UGGT1: variants seen among roughly 807,000 people sequenced by gnomAD.
The protein encoded by UGGT1 is UDP-glucose:glycoprotein glucosyltransferase 1.
A neutral mutation model predicts 203.9 loss-of-function variants in UGGT1; 107 were observed. The observed-to-expected ratio is 0.52, with a 90% CI of 0.45 to 0.62. The LOEUF is 0.62. Among genes scored for constraint, UGGT1 ranks in the 20% least tolerant of loss-of-function variants. UGGT1 has a pLI of 0.00. For missense variants in UGGT1, 1,673 were observed against 1,867.2 expected (o/e 0.90, Z 1.92); for synonymous variants, 628 against 653.5 (o/e 0.96, Z 0.59).
intron 19 of UGGT1, among the ~76,000 whole-genome samples, chr2:128,154,325 T>C (rs1038480288): frequency 6.6e-6 from 1 of 152,204 alleles, no homozygotes; most frequent in African/African-American, 2.4e-5. Context: ...AGGAACATAA[T>C]AGCGGTTTTG....
At chr2:128,131,240 A>AAG (rs1207776556) in intron 13 of UGGT1, among the ~76,000 whole-genome samples, 1 of 148,780 alleles carries the variant, frequency 6.7e-6, no homozygotes, top group African/African-American at 2.5e-5. Context: ...TCTCAAAAAA[A>AAG]AAAAAAAAAA....
At chr2:128,145,778 G>C (rs1182211484) in intron 17 of UGGT1, 25 bp from the exon 18 acceptor site, 2 of 1,535,918 alleles carry the variant, frequency 1.3e-6, no homozygotes, top group South Asian at 1.3e-5. Flanking sequence ...AAAATATACT[G>C]TTTTTGTGGT....
chr2:128,095,588 A>C (rs1687085835), intron 1 of UGGT1, among the ~76,000 whole-genome samples: 1 of 151,786 alleles, frequency 6.6e-6, no homozygotes, highest in South Asian at 2.1e-4. Context: ...TCCTAGGCCC[A>C]AGCTATCTTC....
At position 128,105,635 on chromosome 2, in the gene UGGT1, C is replaced by G. The variant is rs183620319; in HGVS notation, c.277+1621C>G. Among the ~76,000 whole-genome samples, 330 of 152,028 alleles carry G rather than the reference C, an allele frequency of 2.2e-3. 3 individuals carry two copies. The highest frequency in any genetic ancestry group is 7.4e-3 in the African/African-American group (306 of 41,454). Reference sequence around the variant, plus strand: ...GCTCAAGCTGTTCTCCTGCCTCAGCCTCCCGAGTAGCTGGGATTACAGGTG... The same window carrying G: ...GCTCAAGCTGTTCTCCTGCCTCAGCGTCCCGAGTAGCTGGGATTACAGGTG... On this transcript the variant is annotated intron_variant, in intron 3 of 40. Coordinates refer to ENST00000259253, the MANE Select transcript of UGGT1 (RefSeq NM_020120.4).
At chr2:128,180,775 C>T (rs1691655486) in intron 35 of UGGT1, 115 bp from the exon 36 acceptor site, 1 of 1,105,252 alleles carries the variant, frequency 9.0e-7, no homozygotes, top group East Asian at 2.6e-5. Flanking sequence ...TGTAAGACCA[C>T]TGTTTTGGTA....
At chr2:128,164,329 A>G (rs534108159) in intron 25 of UGGT1, among the ~76,000 whole-genome samples, 17 of 152,194 alleles carry the variant, frequency 1.1e-4, no homozygotes, top group Non-Finnish European at 1.6e-4. Context: ...TTGTTACTTG[A>G]TATTATGTGT....
intron 22 of UGGT1, among the ~76,000 whole-genome samples, chr2:128,158,989 A>C (rs543891620): frequency 8.5e-5 from 13 of 152,260 alleles, no homozygotes; most frequent in South Asian, 4.1e-4. Flanking sequence ...AAGGTAAGAA[A>C]TGAAGTTGGA....
At chr2:128,149,202 C>G (rs1176824786) in intron 18 of UGGT1, among the ~76,000 whole-genome samples, 1 of 151,938 alleles carries the variant, frequency 6.6e-6, no homozygotes, top group South Asian at 2.1e-4. Context: ...CCACCACATG[C>G]AGCTAATTTT....
In UGGT1 at chr2:128,144,291, C is replaced by T. The variant is rs73955945; in HGVS notation, c.1851+1066C>T. Among the ~76,000 whole-genome samples the T allele has an allele frequency of 5.1e-3, 775 of 152,160 alleles. 10 individuals are homozygous for T. Among genetic ancestry groups the T allele is most frequent in the African/African-American group, 0.017 (685 of 41,512 alleles). On this transcript the variant is annotated intron_variant, in intron 17 of 40. Coordinates refer to ENST00000259253, the MANE Select transcript of UGGT1 (RefSeq NM_020120.4). The stretch of plus-strand genomic sequence containing the variant: ...GTTAGCTGTTGATAGAAAATTTGTC[C>T]ATATGAATTTTCAGTTTGGCTGTTT...
chr2:128,130,360 G>T (rs1370007501), intron 13 of UGGT1, among the ~76,000 whole-genome samples: 1 of 151,778 alleles, frequency 6.6e-6, no homozygotes, highest in Non-Finnish European at 1.5e-5. Context: ...TTTTTTCTTG[G>T]TTTCTGTACT....
chr2:128,182,302 A>T lies in UGGT1; in HGVS notation c.4244+12A>T. 6.2e-7 allele frequency: 1 copy of T among 1,609,064 alleles called. No homozygotes were observed. Among genetic ancestry groups the T allele is most frequent in the African/African-American group, 1.3e-5 (1 of 74,808 alleles). On this transcript the variant is annotated intron_variant, in intron 37 of 40. Transcript: ENST00000259253. ...AAGTATCATATCAGGTACTGAAAAG[A>T]AGCACTCCTAACACTGTTACGGGGT...
At chr2:128,171,538 C>CTCAGATTGGAGT (rs1691102128) in intron 28 of UGGT1, 1 of 436,364 alleles carries the variant, frequency 2.3e-6, no homozygotes, top group African/African-American at 2.1e-5. Flanking sequence ...GATGGAGTCT[C>CTCAGATTGGAGT]GCTCTGTCGC....
intron 18 of UGGT1, among the ~76,000 whole-genome samples, chr2:128,147,880 C>T (rs1689765359): frequency 6.6e-6 from 1 of 152,108 alleles, no homozygotes; most frequent in East Asian, 1.9e-4. Context: ...TGGCCTCCCA[C>T]AGTGCTGGGA....
intron 13 of UGGT1, among the ~76,000 whole-genome samples, chr2:128,130,333 G>A (rs961291348): frequency 4.6e-5 from 7 of 151,774 alleles, no homozygotes; most frequent in Admixed American, 1.3e-4. Context: ...AATAAGGTGA[G>A]TGGAGAGCTG....
At chr2:128,149,785 C>T (rs915548370) in intron 18 of UGGT1, among the ~76,000 whole-genome samples, 4 of 144,074 alleles carry the variant, frequency 2.8e-5, no homozygotes, top group Non-Finnish European at 6.1e-5. Context: ...GACTCCGTCT[C>T]AAGAAAAAAA....
chr2:128,149,991 C>T (rs1689872783), intron 18 of UGGT1, among the ~76,000 whole-genome samples: 1 of 152,076 alleles, frequency 6.6e-6, no homozygotes, highest in African/African-American at 2.4e-5. Flanking sequence ...ATAAAATAAA[C>T]ATTTACTTCA....
At chr2:128,184,660 T>C (rs1163687668) in intron 38 of UGGT1, among the ~76,000 whole-genome samples, 1 of 152,194 alleles carries the variant, frequency 6.6e-6, no homozygotes, top group African/African-American at 2.4e-5. Flanking sequence ...AATGGAATAA[T>C]AAAAGGTAAA....
At chr2:128,102,472 A>G (rs1316526804) in intron 2 of UGGT1, among the ~76,000 whole-genome samples, 1 of 152,148 alleles carries the variant, frequency 6.6e-6, no homozygotes, top group African/African-American at 2.4e-5. Context: ...GCTCAGTGGA[A>G]TAAGTATTAT....
chr2:128,145,373 A>G (rs1358627147), intron 17 of UGGT1, among the ~76,000 whole-genome samples: 1 of 152,184 alleles, frequency 6.6e-6, no homozygotes, highest in African/African-American at 2.4e-5. Flanking sequence ...GAGGTTAGTG[A>G]CTACTGCATT....
Sources: allele counts gnomAD v4.1 joint callset (sites outside exome capture counted in the v4.1 genomes callset), GRCh38; gene constraint gnomAD v4.1.1; transcripts MANE v1.5; gene names NCBI Gene and HGNC (gene_info 2026-07-23, HGNC 2026-07-21).